The following ST3GAL6 variants were observed in gnomAD, a reference collection of about 807,000 sequenced individuals.
ST3GAL6 encodes ST3 beta-galactoside alpha-2,3-sialyltransferase 6.
A neutral mutation model predicts 40.5 loss-of-function variants in ST3GAL6; 31 were observed. That is an observed-to-expected ratio of 0.77 (90% CI 0.58 to 1.03). ST3GAL6 has a LOEUF of 1.03. Among genes scored for constraint, ST3GAL6 ranks in the 50% least tolerant of loss-of-function variants. The pLI, the probability that ST3GAL6 is intolerant of heterozygous loss-of-function variation, is 0.00. For missense variants in ST3GAL6, 357 were observed against 393.2 expected, an observed-to-expected ratio of 0.91 and a Z score of 0.78; for synonymous variants, 129 against 136.9, an observed-to-expected ratio of 0.94 and a Z score of 0.40.
chr3:98,778,274 A>G (rs1939739004), intron 5 of ST3GAL6, among the ~76,000 whole-genome samples: 1 of 152,244 alleles, frequency 6.6e-6, no homozygotes, highest in Admixed American at 6.5e-5. Flanking sequence ...AGCATCCATT[A>G]TGTCAGCATC....
chr3:98,759,091 C>T (rs1232401545), upstream of ST3GAL6, among the ~76,000 whole-genome samples: 1 of 152,104 alleles, frequency 6.6e-6, no homozygotes, highest in African/African-American at 2.4e-5. Context: ...ATTATTAAGA[C>T]CAAATCATGG....
chr3:98,756,054 A>G (rs1937393930), intron 1 of ST3GAL6, among the ~76,000 whole-genome samples: 1 of 152,208 alleles, frequency 6.6e-6, no homozygotes, highest in South Asian at 2.1e-4. Flanking sequence ...AAGCTGGAAA[A>G]GAAGACAGAT....
intron 1 of ST3GAL6, among the ~76,000 whole-genome samples, chr3:98,752,638 A>AT (rs1937095567): frequency 6.6e-6 from 1 of 151,778 alleles, no homozygotes; most frequent in Admixed American, 6.6e-5. Context: ...TGCCTGGCTA[A>AT]TTTTTTGTAT....
Position 98,732,667 on chromosome 3 carries a change from G to A in ST3GAL6, c.-12+135G>A, listed in dbSNP as rs1935123403. On this transcript the variant is annotated intron_variant, in intron 1 of 9. Coordinates refer to the ST3GAL6 transcript ENST00000265261. ...TGCAACTGGCGCCAGCCGCGGAGCA[G>A]GAGGAGCTTCCCGCGACTCCGGAGG... The A allele has an allele frequency of 7.5e-6, 4 of 536,548 alleles. 1 individual carries two copies. The highest frequency in any genetic ancestry group is 4.2e-5 in the Admixed American group (1 of 23,884). The allele number at this position is 536,548 out of a possible 1,614,324, so 33.2% of individuals were successfully genotyped here. A position where few individuals can be genotyped will look rare whatever the true frequency, so the allele number is the denominator to read the frequency against.
At chr3:98,770,757 T>G in intron 2 of ST3GAL6, 122 bp from the exon 3 acceptor site, 1 of 758,138 alleles carries the variant, frequency 1.3e-6, no homozygotes. Context: ...GTGCAGGGAG[T>G]ATTTTTGTTT....
At position 98,776,914 on chromosome 3, in the gene ST3GAL6, GA is replaced by G. The variant is rs1338258769; in HGVS notation, c.335+2935del. Among the ~76,000 whole-genome samples the G allele has an allele frequency of 1.5e-4, 23 of 152,272 alleles. No homozygotes were observed. The South Asian group carries it at 4.6e-3, about 30-fold the overall frequency. Reference sequence around the variant, plus strand: ...TTGGGATAGATTCCACTGTGAATGGGAAAACTCAAAATATCAGTTGTGATTG... The same window carrying G: ...TTGGGATAGATTCCACTGTGAATGGGAAACTCAAAATATCAGTTGTGATTG... On this transcript the variant is annotated intron_variant, in intron 5 of 9. Transcript: ENST00000483910.
At chr3:98,768,034 A>G (rs1023018029) in intron 1 of ST3GAL6, among the ~76,000 whole-genome samples, 1 of 152,208 alleles carries the variant, frequency 6.6e-6, no homozygotes, top group African/African-American at 2.4e-5. Context: ...TAAGGCATCT[A>G]TTCACTTTCT....
chr3:98,749,526 A>C (rs1481445945), intron 1 of ST3GAL6, among the ~76,000 whole-genome samples: 2 of 152,224 alleles, frequency 1.3e-5, no homozygotes, highest in East Asian at 3.8e-4. Flanking sequence ...TAAGGGAAAA[A>C]AATCAGATTG....
At chr3:98,748,163 G>C (rs1007802134) in intron 1 of ST3GAL6, among the ~76,000 whole-genome samples, 9 of 152,182 alleles carry the variant, frequency 5.9e-5, no homozygotes, top group Admixed American at 2.6e-4. Context: ...AAAATTAACA[G>C]AATGAATTTT....
At chr3:98,733,124 G>A (rs980929906) in intron 1 of ST3GAL6, 19 of 1,300,968 alleles carry the variant, frequency 1.5e-5, no homozygotes, top group South Asian at 2.0e-5. Context: ...AGGGTTGGGG[G>A]TGGGGACACG....
In ST3GAL6 at chr3:98,792,752, CAT is replaced by C. The variant is rs1211292880; in HGVS notation, c.909+760_909+761del. Among the ~76,000 whole-genome samples, 3 of 150,844 alleles carry C rather than the reference CAT, an allele frequency of 2.0e-5. No homozygotes were observed. In the East Asian group the frequency reaches 5.9e-4, roughly 30 times the overall value. ...CAGGCTGGTCTCGAACTCCTGGCCT[CAT>C]GTGATCTGCCCGCCTTAGCCTCCCA... On this transcript the variant is annotated intron_variant, in intron 9 of 9. Coordinates refer to ENST00000483910, the MANE Select transcript of ST3GAL6 (RefSeq NM_001323368.2).
chr3:98,782,473 G>C, intron 5 of ST3GAL6: 2 of 614,270 alleles, frequency 3.3e-6, no homozygotes, highest in Non-Finnish European at 5.8e-6. Flanking sequence ...ATGGAGAAAA[G>C]GAAGTGTCAT....
Position 98,791,891 on chromosome 3 carries a change from CAT to C in ST3GAL6, c.810_811del (p.Ile270MetfsTer10), listed in dbSNP as rs769565531. The C allele has an allele frequency of 5.6e-6, 9 of 1,614,022 alleles. No individual in the cohort carries two copies. Among genetic ancestry groups the C allele is most frequent in the African/African-American group, 1.3e-5 (1 of 75,046 alleles). ...TTATTGCCATCACATTGGCGTTTTACATATGTCACGAAGTTCACCTAGCTGGT... is the reference window on the plus strand; with the variant it reads ...TTATTGCCATCACATTGGCGTTTTACATGTCACGAAGTTCACCTAGCTGGT... ...GIIAITLAFY[I>X]CHEVHLAGFK... On this transcript the variant is annotated frameshift_variant, in exon 9 of 10. Coordinates refer to ENST00000483910, the MANE Select transcript of ST3GAL6 (RefSeq NM_001323368.2). LOFTEE classifies it high-confidence loss of function.
At chr3:98,753,920 T>C (rs1046567064) in intron 1 of ST3GAL6, among the ~76,000 whole-genome samples, 1 of 152,254 alleles carries the variant, frequency 6.6e-6, no homozygotes, top group Admixed American at 6.5e-5. Flanking sequence ...GTTTTCAAAA[T>C]ATTATTGCTC....
At chr3:98,774,472 T>C (rs374548515) in intron 5 of ST3GAL6, among the ~76,000 whole-genome samples, 192 of 152,362 alleles carry the variant, frequency 1.3e-3, no homozygotes, top group African/African-American at 4.4e-3. Flanking sequence ...TGATGTTTTC[T>C]GACTACAAAA....
intron 9 of ST3GAL6, among the ~76,000 whole-genome samples, chr3:98,793,120 C>G (rs1339722432): frequency 1.3e-5 from 2 of 152,090 alleles, no homozygotes; most frequent in African/African-American, 4.8e-5. Context: ...GAATGAGGTA[C>G]CCCAACAGAC....
At chr3:98,789,990 G>A (rs1941056476) in intron 8 of ST3GAL6, among the ~76,000 whole-genome samples, 1 of 152,100 alleles carries the variant, frequency 6.6e-6, no homozygotes, top group South Asian at 2.1e-4. Context: ...AATAAACCCT[G>A]GTTTTAGAAA....
At position 98,784,978 on chromosome 3, in the gene ST3GAL6, T is replaced by C. The variant is rs1302709627; in HGVS notation, c.369T>C (p.Asn123=). Residue 123 remains asparagine, a synonymous_variant, in exon 6 of 10, where the codon AAT becomes AAC. Transcript: ENST00000483910. The stretch of plus-strand genomic sequence containing the variant: ...GTAAAAAGTGTGTGGTGGTTGGTAA[T>C]GGAGGAGTTTTGAAGAATAAGACAT... ...IPCKKCVVVG[N]GGVLKNKTLG... is the part of the protein sequence containing the mutation. 1 of 1,612,660 alleles carries C rather than the reference T, an allele frequency of 6.2e-7. No individual in the cohort carries two copies. Among genetic ancestry groups the C allele is most frequent in the Non-Finnish European group, 8.5e-7 (1 of 1,179,168 alleles).
In ST3GAL6 at chr3:98,782,504, C is replaced by T. The variant is rs1040058902; in HGVS notation, c.336-2441C>T. On this transcript the variant is annotated intron_variant, in intron 5 of 9. Coordinates refer to ENST00000483910, the MANE Select transcript of ST3GAL6 (RefSeq NM_001323368.2). ...GTCATCCATACAAGATGAATTTACA[C>T]TCTGAACCCCAGGAGGTCCTGCACG... 10 of 601,456 alleles carry T rather than the reference C, an allele frequency of 1.7e-5. No individual in the cohort carries two copies. The Admixed American group carries it at 2.9e-4, about 17-fold the overall frequency. The allele number at this position is 601,456 out of a possible 1,614,324, so 37.3% of individuals were successfully genotyped here. A position where few individuals can be genotyped will look rare whatever the true frequency, so the allele number is the denominator to read the frequency against.
Sources: gnomAD v4.1 joint callset for allele counts (sites outside exome capture counted in the v4.1 genomes callset) on GRCh38, gnomAD v4.1.1 for gene constraint, MANE v1.5 for transcripts, NCBI Gene and HGNC (gene_info 2026-07-23, HGNC 2026-07-21) for gene names.